OPCML: variants seen among roughly 807,000 people sequenced by gnomAD.
The protein encoded by OPCML is opioid-binding protein/cell adhesion molecule.
OPCML carries 13 observed loss-of-function variants against 37.8 expected under a neutral mutation model. That is an observed-to-expected ratio of 0.34 (90% CI 0.22 to 0.55). The LOEUF is 0.55. Among genes scored for constraint, OPCML ranks in the 20% least tolerant of loss-of-function variants. The probability of loss-of-function intolerance (pLI) is 0.91; values close to 1 mark genes in which losing one functional copy is unlikely to be tolerated. For missense variants in OPCML, 341 were observed against 435.6 expected (o/e 0.78, Z 1.93); for synonymous variants, 176 against 168.8 (o/e 1.04, Z -0.33).
rs187414600 is a variant in OPCML, at chr11:133,272,478, G to A, written c.61+259786C>T. The stretch of plus-strand genomic sequence containing the variant: ...TTTTTCATATACAGAACACCACCTC[G>A]AAACAGTATTCCCTGTCAGGGAGTT... On this transcript the variant is annotated intron_variant, in intron 1 of 7. Transcript: ENST00000524381. Among the ~76,000 whole-genome samples, 310 of 152,208 alleles carry A rather than the reference G, an allele frequency of 2.0e-3. 4 individuals carry two copies. In the Middle Eastern group the frequency reaches 0.024, roughly 12 times the overall value.
At chr11:132,435,190 GAC>G in intron 7 of OPCML, 2 of 1,289,190 alleles carry the variant, frequency 1.6e-6, no homozygotes, top group Non-Finnish European at 2.0e-6. Context: ...TTATTTCTAA[GAC>G]ACACACAGCA....
In OPCML at chr11:132,459,523, A is replaced by G. The variant is rs551292169; in HGVS notation, c.506-22164T>C. ...CTATATAGAGAATATATATATATAT[A>G]TACACACATATACATATATATATAG... On this transcript the variant is annotated intron_variant, in intron 4 of 7. Coordinates refer to ENST00000524381, the MANE Select transcript of OPCML (RefSeq NM_001012393.5). 1.1e-4 allele frequency among the ~76,000 whole-genome samples: 17 copies of G among 148,508 alleles called. No homozygotes were observed. The East Asian group carries it at 3.3e-3, about 29-fold the overall frequency.
At chr11:133,531,929 C>T (rs569041478) in intron 1 of OPCML, among the ~76,000 whole-genome samples, 110 of 152,246 alleles carry the variant, frequency 7.2e-4, no homozygotes, top group African/African-American at 2.5e-3. Context: ...AGTTCAAACC[C>T]CTCTTCTCCT....
At chr11:133,023,565 T>C (rs1694140865) in intron 1 of OPCML, among the ~76,000 whole-genome samples, 1 of 152,134 alleles carries the variant, frequency 6.6e-6, no homozygotes, top group East Asian at 1.9e-4. Flanking sequence ...CAATAACTGG[T>C]TTTAAAAAAT....
intron 4 of OPCML, among the ~76,000 whole-genome samples, chr11:132,474,102 C>T (rs989749046): frequency 5.3e-5 from 8 of 152,138 alleles, no homozygotes; most frequent in South Asian, 2.1e-4. Flanking sequence ...TGGGAGGGGA[C>T]GACTGGCCTA....
At chr11:132,893,663 T>G (rs1239464460) in intron 2 of OPCML, among the ~76,000 whole-genome samples, 2 of 152,256 alleles carry the variant, frequency 1.3e-5, no homozygotes, top group Non-Finnish European at 2.9e-5. Flanking sequence ...GGTGAGGAGA[T>G]AGCAATATCG....
chr11:132,449,015 G>C (rs759464273), intron 4 of OPCML, among the ~76,000 whole-genome samples: 1 of 152,148 alleles, frequency 6.6e-6, no homozygotes, highest in Non-Finnish European at 1.5e-5. Context: ...GATAATCATG[G>C]CATTGATGGA....
rs903711651 is a variant in OPCML at position 133,211,773 on chromosome 11, T to G, written c.62-268763A>C. Among the ~76,000 whole-genome samples the G allele has an allele frequency of 6.6e-6, 1 of 152,182 alleles. No homozygotes were observed. The highest frequency in any genetic ancestry group is 1.5e-5 in the Non-Finnish European group (1 of 68,042). ...TACCATCACCATTATCACAACACGC[T>G]TTTCACAATTTTTTTAAGTCTTACA... is the stretch of plus-strand genomic sequence containing the variant. On this transcript the variant is annotated intron_variant, in intron 1 of 7. Coordinates refer to ENST00000524381, the MANE Select transcript of OPCML (RefSeq NM_001012393.5). The surrounding 1 kb of genome is among the most constrained non-coding windows in gnomAD (Gnocchi z 4.1).
At chr11:132,661,293 T>C (rs1198007345) in intron 2 of OPCML, among the ~76,000 whole-genome samples, 1 of 152,182 alleles carries the variant, frequency 6.6e-6, no homozygotes, top group Non-Finnish European at 1.5e-5. Flanking sequence ...TTCACAAGTT[T>C]GTATGGTTCT....
rs71067402 is a variant in OPCML at position 132,841,860 on chromosome 11, CAAAAAAAAAAAAAA to C, written c.146+101052_146+101065del. 2.8e-3 allele frequency among the ~76,000 whole-genome samples: 97 copies of C among 34,698 alleles called. 3 individuals are homozygous for C. The Admixed American group carries it at 0.041, about 15-fold the overall frequency. 22.8% of individuals were successfully genotyped at this position (34,698 alleles called of 152,430 possible). On this transcript the variant is annotated intron_variant, in intron 2 of 7. Transcript: ENST00000524381. ...TGGGTGACAGAATGACACTCTATCT[CAAAAAAAAAAAAAA>C]AAAAAAAAAAAAAAAAGAATAACTC...
chr11:133,470,843 C>T (rs1947093196), intron 1 of OPCML, among the ~76,000 whole-genome samples: 1 of 152,174 alleles, frequency 6.6e-6, no homozygotes, highest in Non-Finnish European at 1.5e-5. Context: ...TCCAGAGATG[C>T]TTAAGAAGGC....
chr11:133,030,409 A>G (rs536006041), intron 1 of OPCML, among the ~76,000 whole-genome samples: 82 of 152,302 alleles, frequency 5.4e-4, no homozygotes, highest in Middle Eastern at 6.8e-3. Context: ...GTCTGTGCTC[A>G]TGCTCTGTCC....
At chr11:133,215,327 G>T (rs923018288) in intron 1 of OPCML, among the ~76,000 whole-genome samples, 6 of 152,120 alleles carry the variant, frequency 3.9e-5, no homozygotes, top group Admixed American at 3.9e-4. Context: ...ATGAACTCTA[G>T]TCATTCTTTT....
At chr11:133,117,927 C>T in intron 1 of OPCML, 2 of 985,246 alleles carry the variant, frequency 2.0e-6, no homozygotes, top group Non-Finnish European at 2.4e-6. Flanking sequence ...AAGATGTTTC[C>T]AGAAGGGAAT....
chr11:133,511,391 TG>T (rs1948153778), intron 1 of OPCML, among the ~76,000 whole-genome samples: 1 of 152,220 alleles, frequency 6.6e-6, no homozygotes, highest in African/African-American at 2.4e-5. Context: ...CGTGGCTAAC[TG>T]GGTACCCCAA....
At chr11:132,540,561 A>G (rs367707788) in intron 3 of OPCML, among the ~76,000 whole-genome samples, 2 of 152,222 alleles carry the variant, frequency 1.3e-5, no homozygotes, top group Non-Finnish European at 1.5e-5. Context: ...GACTCCCTCC[A>G]TGTCCTGGTG....
intron 1 of OPCML, among the ~76,000 whole-genome samples, chr11:133,438,246 C>T (rs963755465): frequency 2.6e-5 from 4 of 151,892 alleles, no homozygotes; most frequent in East Asian, 1.9e-4. Flanking sequence ...TTATAGCTGT[C>T]GACAGAATTG....
intron 3 of OPCML, among the ~76,000 whole-genome samples, chr11:132,640,445 T>C (rs1339250031): frequency 1.3e-5 from 2 of 152,170 alleles, no homozygotes. Context: ...ATGGGAGTTG[T>C]AGTTTATTTG....
intron 1 of OPCML, chr11:133,422,736 T>C: frequency 1.0e-6 from 1 of 972,418 alleles, no homozygotes; most frequent in Non-Finnish European, 1.2e-6. Flanking sequence ...TTCCAGTCTG[T>C]GTAACATTTC....
Sources: gnomAD v4.1 joint callset for allele counts (sites outside exome capture counted in the v4.1 genomes callset) on GRCh38, gnomAD v4.1.1 for gene constraint, Gnocchi (gnomAD v3.1) non-coding constraint, MANE v1.5 for transcripts, NCBI Gene and HGNC (gene_info 2026-07-23, HGNC 2026-07-21) for gene names.